Variants in IQSEC1 observed in about 807,000 individuals in gnomAD.
The protein encoded by IQSEC1 is IQ motif and SEC7 domain-containing protein 1.
In IQSEC1, 31 loss-of-function variants were observed where a neutral mutation model predicts 91.0. That is an observed-to-expected ratio of 0.34 (90% CI 0.26 to 0.46). The LOEUF is 0.46. IQSEC1 is among the 20% of genes least tolerant of loss of function. The pLI is 1.00. For synonymous variants in IQSEC1, 699 were observed against 662.6 expected (o/e 1.05, Z -0.84); for missense variants, 1,388 against 1,575.6 (o/e 0.88, Z 2.02).
intron 2 of IQSEC1, among the ~76,000 whole-genome samples, chr3:13,112,612 C>T (rs1426972728): frequency 6.6e-6 from 1 of 152,252 alleles, no homozygotes; most frequent in African/African-American, 2.4e-5. Context: ...TGAGCACCTG[C>T]CATGGTGGAT....
At chr3:13,023,968 G>GT in intron 1 of IQSEC1, among the ~76,000 whole-genome samples, 1 of 152,214 alleles carries the variant, frequency 6.6e-6, no homozygotes, top group East Asian at 1.9e-4. Context: ...CCCATTCCTT[G>GT]TTTTTTCTTT....
At chr3:12,907,608 C>G (rs1198200040) in intron 12 of IQSEC1, among the ~76,000 whole-genome samples, 3 of 152,254 alleles carry the variant, frequency 2.0e-5, no homozygotes, top group Admixed American at 2.0e-4. Flanking sequence ...GCCAGTGCCT[C>G]TTTTCTCTCC....
intron 1 of IQSEC1, among the ~76,000 whole-genome samples, chr3:13,210,639 T>C (rs1694426746): frequency 6.6e-6 from 1 of 152,050 alleles, no homozygotes; most frequent in Admixed American, 6.6e-5. Flanking sequence ...GGCAGACACA[T>C]GCCACAGCCA....
chr3:13,027,047 C>T lies in IQSEC1; in HGVS notation c.23+45945G>A, dbSNP rs188399007. Among the ~76,000 whole-genome samples, 6 of 152,244 alleles carry T rather than the reference C, an allele frequency of 3.9e-5. No individual in the cohort carries two copies. The East Asian group carries it at 1.2e-3, about 29-fold the overall frequency. ...TTATATCTGCAGTCTTCCAATGGTGCCCAGAGCCATGCAAGGCGCAGGAAG... is the reference window on the plus strand; with the variant it reads ...TTATATCTGCAGTCTTCCAATGGTGTCCAGAGCCATGCAAGGCGCAGGAAG... On this transcript the variant is annotated intron_variant, in intron 1 of 13. Transcript: ENST00000613206.
At chr3:13,044,047 T>A (rs1474556330) in intron 1 of IQSEC1, among the ~76,000 whole-genome samples, 2 of 152,158 alleles carry the variant, frequency 1.3e-5, no homozygotes, top group Non-Finnish European at 2.9e-5. Flanking sequence ...TGTGTGCCTC[T>A]AGCAAGGCTG....
At chr3:13,132,727 C>T (rs765513761) in intron 2 of IQSEC1, among the ~76,000 whole-genome samples, 1 of 152,188 alleles carries the variant, frequency 6.6e-6, no homozygotes, top group African/African-American at 2.4e-5. Context: ...AAACTTGTTC[C>T]ATGCATCTTG....
chr3:12,938,705 C>T (rs540195262), intron 2 of IQSEC1, among the ~76,000 whole-genome samples: 30 of 152,196 alleles, frequency 2.0e-4, no homozygotes, highest in South Asian at 8.3e-4. Context: ...TTGTGGGCGG[C>T]ACAAGTACGA....
chr3:13,149,356 A>G (rs1328074834), intron 2 of IQSEC1, among the ~76,000 whole-genome samples: 1 of 133,318 alleles, frequency 7.5e-6, no homozygotes, highest in Non-Finnish European at 1.5e-5. Context: ...CCCCACAGAC[A>G]GGCTGCTCCC....
At chr3:12,968,897 A>G (rs898761919) in intron 1 of IQSEC1, among the ~76,000 whole-genome samples, 2 of 152,220 alleles carry the variant, frequency 1.3e-5, no homozygotes, top group Non-Finnish European at 2.9e-5. Flanking sequence ...GGAGGGGGAC[A>G]GTGAAGGAAG....
chr3:13,134,675 T>A (rs974175579), intron 2 of IQSEC1, among the ~76,000 whole-genome samples: 8 of 152,062 alleles, frequency 5.3e-5, no homozygotes, highest in Non-Finnish European at 1.5e-5. Context: ...AAGGCAGGAG[T>A]TTCCAGGAAG....
At chr3:13,209,182 A>G (rs17037891) in intron 1 of IQSEC1, among the ~76,000 whole-genome samples, 17,060 of 152,246 alleles carry the variant, frequency 0.11, 1,109 homozygotes, top group East Asian at 0.29. Flanking sequence ...CACATTTGGC[A>G]GGCAAGAGGC....
At chr3:13,229,370 G>T (rs1297484469) in intron 1 of IQSEC1, among the ~76,000 whole-genome samples, 2 of 152,194 alleles carry the variant, frequency 1.3e-5, no homozygotes, top group Non-Finnish European at 2.9e-5. Flanking sequence ...CTTGCTGAGT[G>T]TACAGGGGTC....
chr3:13,019,870 G>GC (rs1161326375), intron 1 of IQSEC1, among the ~76,000 whole-genome samples: 1 of 152,150 alleles, frequency 6.6e-6, no homozygotes, highest in Non-Finnish European at 1.5e-5. Flanking sequence ...CTCCCGTAAG[G>GC]CCCCGCCCCA....
intron 2 of IQSEC1, among the ~76,000 whole-genome samples, chr3:13,113,583 G>T (rs985512667): frequency 2.0e-4 from 10 of 50,236 alleles, no homozygotes; most frequent in African/African-American, 9.2e-4. Flanking sequence ...GAGGTGGGGC[G>T]CGGAGAGAAG....
At chr3:12,952,874 G>A (rs1049470965) in intron 1 of IQSEC1, among the ~76,000 whole-genome samples, 6 of 152,216 alleles carry the variant, frequency 3.9e-5, no homozygotes, top group African/African-American at 1.4e-4. Flanking sequence ...AGAGGGATGA[G>A]GGCTCCAAGA....
intron 1 of IQSEC1, among the ~76,000 whole-genome samples, chr3:13,235,757 C>A (rs1481156011): frequency 3.3e-5 from 5 of 152,174 alleles, no homozygotes; most frequent in Non-Finnish European, 5.9e-5. Context: ...GAAGTCATTG[C>A]CACTGCAGGC....
In IQSEC1 at chr3:13,188,916, T is replaced by C. The variant is rs80309966; in HGVS notation, c.273-24783A>G. ...CCAAATTCCTTCACCAGGATTTGAGTGGGCCCTTAAGTCCATTTTTGTTGG... is the reference window on the plus strand; with the variant it reads ...CCAAATTCCTTCACCAGGATTTGAGCGGGCCCTTAAGTCCATTTTTGTTGG... On this transcript the variant is annotated intron_variant, in intron 1 of 15. Transcript: ENST00000648114. Among the ~76,000 whole-genome samples the C allele has an allele frequency of 2.0e-3, 307 of 152,342 alleles. 8 individuals are homozygous for C. The East Asian group carries it at 0.053, about 26-fold the overall frequency.
At chr3:12,985,810 C>A (rs1037889585) in intron 1 of IQSEC1, among the ~76,000 whole-genome samples, 1 of 152,178 alleles carries the variant, frequency 6.6e-6, no homozygotes, top group Non-Finnish European at 1.5e-5. Context: ...ACTGCATATT[C>A]TTTTATAATG....
At chr3:13,238,109 C>T (rs950982237) in intron 1 of IQSEC1, among the ~76,000 whole-genome samples, 1 of 152,210 alleles carries the variant, frequency 6.6e-6, no homozygotes. Flanking sequence ...TGGCACCCAC[C>T]GCGTGCCCCA....
Sources: allele counts gnomAD v4.1 joint callset (sites outside exome capture counted in the v4.1 genomes callset), GRCh38; gene constraint gnomAD v4.1.1; transcripts MANE v1.5; gene names NCBI Gene and HGNC (gene_info 2026-07-23, HGNC 2026-07-21).